GRM3: variants seen among roughly 807,000 people sequenced by gnomAD.
GRM3 encodes metabotropic glutamate receptor 3.
GRM3 carries 26 observed loss-of-function variants against 70.5 expected under a neutral mutation model. The observed-to-expected ratio is 0.37, with a 90% CI of 0.27 to 0.51. The LOEUF is 0.51. Among genes scored for constraint, GRM3 ranks in the 20% least tolerant of loss-of-function variants. The pLI is 0.93. For synonymous variants in GRM3, 443 were observed against 434.9 expected (o/e 1.02, Z -0.23); for missense variants, 859 against 1,123.8 (o/e 0.76, Z 3.37).
intron 1 of GRM3, among the ~76,000 whole-genome samples, chr7:86,675,841 T>C (rs1794292173): frequency 6.6e-6 from 1 of 152,074 alleles, no homozygotes; most frequent in African/African-American, 2.4e-5. Flanking sequence ...CTCTGAAATA[T>C]GTTCAAGAAA....
At chr7:86,751,007 G>A (rs1377870935) in intron 1 of GRM3, among the ~76,000 whole-genome samples, 1 of 152,018 alleles carries the variant, frequency 6.6e-6, no homozygotes, top group Non-Finnish European at 1.5e-5. Context: ...GTGGATATAT[G>A]AAATATATTC....
chr7:86,825,259 G>C (rs1343208927), intron 3 of GRM3, among the ~76,000 whole-genome samples: 1 of 152,112 alleles, frequency 6.6e-6, no homozygotes, highest in African/African-American at 2.4e-5. Context: ...GGGAGAAAAA[G>C]AGGAGAACAT....
chr7:86,825,489 CAACTT>C (rs1383252416), intron 3 of GRM3, among the ~76,000 whole-genome samples: 1 of 152,210 alleles, frequency 6.6e-6, no homozygotes, highest in Admixed American at 6.5e-5. Flanking sequence ...AGACACATGA[CAACTT>C]AACAATAGAC....
chr7:86,794,531 G>A (rs1442530496), intron 3 of GRM3, among the ~76,000 whole-genome samples: 1 of 152,154 alleles, frequency 6.6e-6, no homozygotes, highest in Non-Finnish European at 1.5e-5. Context: ...TAAAGATTAA[G>A]GATGCTGATG....
chr7:86,804,533 C>G (rs1407977689), intron 3 of GRM3, among the ~76,000 whole-genome samples: 1 of 152,170 alleles, frequency 6.6e-6, no homozygotes, highest in Non-Finnish European at 1.5e-5. Flanking sequence ...CCTCAGCCTC[C>G]TGAGTAGCTG....
chr7:86,774,342 T>C (rs1796828690), intron 2 of GRM3, among the ~76,000 whole-genome samples: 1 of 152,070 alleles, frequency 6.6e-6, no homozygotes, highest in Admixed American at 6.6e-5. Flanking sequence ...TTTGGGAATT[T>C]AAGAATAGTG....
In GRM3 at chr7:86,787,190, C is replaced by T. The variant is rs185391839; in HGVS notation, c.1324+74C>T. On this transcript the variant is annotated intron_variant, in intron 3 of 5. Transcript: ENST00000361669. ...AAAATAGGAATCAAATGCCTCTGTG[C>T]CCAATTCAGAAATAATTATTTCAAA... is the stretch of plus-strand genomic sequence containing the variant. The T allele has an allele frequency of 1.2e-5, 14 of 1,176,958 alleles. 1 individual carries two copies. In the Admixed American group the frequency reaches 2.4e-4, roughly 20 times the overall value. 72.9% of individuals were successfully genotyped at this position (1,176,958 alleles called of 1,614,324 possible).
intron 1 of GRM3, 138 bp from the exon 2 acceptor site, chr7:86,764,868 G>A (rs1039317021): frequency 2.6e-6 from 1 of 384,802 alleles, no homozygotes; most frequent in Non-Finnish European, 4.5e-6. Context: ...CTGTGAGAGA[G>A]TGCCTGGTGC....
In GRM3 at chr7:86,651,317, G is replaced by A. The variant is rs73704950; in HGVS notation, c.-141+6445G>A. Among the ~76,000 whole-genome samples, 528 of 152,204 alleles carry A rather than the reference G, an allele frequency of 3.5e-3. 6 individuals carry two copies. The highest frequency in any genetic ancestry group is 0.012 in the African/African-American group (501 of 41,518). ...AAAAAAGGAACAGATATCACAGATC[G>A]CCCCTCCATCTGGTGGAGGCTGTTT... On this transcript the variant is annotated intron_variant, in intron 1 of 5. Coordinates refer to ENST00000361669, the MANE Select transcript of GRM3 (RefSeq NM_000840.3).
intron 1 of GRM3, among the ~76,000 whole-genome samples, chr7:86,743,484 A>G (rs1026853734): frequency 1.3e-5 from 2 of 152,086 alleles, no homozygotes; most frequent in Non-Finnish European, 2.9e-5. Flanking sequence ...ATTTATCTAT[A>G]AGGGTCCAAG....
In GRM3 at chr7:86,765,054, CA is replaced by C; in HGVS notation, c.-91del. On this transcript the variant is annotated 5_prime_UTR_variant, in exon 2 of 6. Transcript: ENST00000361669. ...GTCTGTTCCTCCCTTATTTGAAGGA[CA>C]GGCCAAAGATCCAGTTTGGAAATGA... is the stretch of plus-strand genomic sequence containing the variant. The C allele has an allele frequency of 1.3e-6, 2 of 1,494,324 alleles. No homozygotes were observed. Among genetic ancestry groups the C allele is most frequent in the East Asian group, 4.6e-5 (2 of 43,934 alleles). 92.6% of individuals were successfully genotyped at this position (1,494,324 alleles called of 1,614,324 possible).
intron 2 of GRM3, among the ~76,000 whole-genome samples, chr7:86,772,729 AAAAGC>A (rs1288605757): frequency 3.3e-5 from 5 of 152,218 alleles, no homozygotes; most frequent in African/African-American, 4.8e-5. Flanking sequence ...TACCCTCAAG[AAAAGC>A]AGAGTGACAG....
At chr7:86,716,892 A>T (rs1795330023) in intron 1 of GRM3, among the ~76,000 whole-genome samples, 1 of 151,846 alleles carries the variant, frequency 6.6e-6, no homozygotes, top group African/African-American at 2.4e-5. Context: ...TCAGATTTAT[A>T]GATTAAAGAT....
intron 1 of GRM3, among the ~76,000 whole-genome samples, chr7:86,701,477 G>A (rs192924221): frequency 2.6e-5 from 4 of 151,976 alleles, no homozygotes; most frequent in Admixed American, 6.6e-5. Context: ...AGGCATTTAA[G>A]TTTGGTTTCA....
In GRM3 at chr7:86,816,138, A is replaced by G. The variant is rs185043305; in HGVS notation, c.1325-22701A>G. On this transcript the variant is annotated intron_variant, in intron 3 of 5. Transcript: ENST00000361669. ...TGGCCTCTGAATTAAGCATTGACAGAGAGGTAGCATTTGCAGAGTAGGCAC... is the reference window on the plus strand; with the variant it reads ...TGGCCTCTGAATTAAGCATTGACAGGGAGGTAGCATTTGCAGAGTAGGCAC... Among the ~76,000 whole-genome samples, 24 of 152,012 alleles carry G rather than the reference A, an allele frequency of 1.6e-4. 1 individual carries two copies. The highest frequency in any genetic ancestry group is 5.1e-4 in the African/African-American group (21 of 41,532).
intron 1 of GRM3, among the ~76,000 whole-genome samples, chr7:86,692,070 G>A (rs996228336): frequency 3.3e-5 from 5 of 152,052 alleles, no homozygotes; most frequent in African/African-American, 9.7e-5. Flanking sequence ...GTCTGGGCCC[G>A]AATCAAAAAT....
intron 3 of GRM3, among the ~76,000 whole-genome samples, chr7:86,815,995 A>G (rs1798007141): frequency 6.6e-6 from 1 of 151,860 alleles, no homozygotes. Context: ...TGACTCTATT[A>G]TTCGTATAAT....
intron 3 of GRM3, among the ~76,000 whole-genome samples, chr7:86,823,362 T>C (rs915852862): frequency 5.3e-5 from 8 of 152,108 alleles, no homozygotes; most frequent in Non-Finnish European, 1.2e-4. Flanking sequence ...CTCTGTTTTC[T>C]ACTACCCCTG....
chr7:86,698,375 G>C (rs1196577905), intron 1 of GRM3, among the ~76,000 whole-genome samples: 1 of 151,698 alleles, frequency 6.6e-6, no homozygotes, highest in Non-Finnish European at 1.5e-5. Context: ...TTTGTCTGGG[G>C]CTCAGTCCTT....
Sources: gnomAD v4.1 joint callset for allele counts (sites outside exome capture counted in the v4.1 genomes callset) on GRCh38, gnomAD v4.1.1 for gene constraint, MANE v1.5 for transcripts, NCBI Gene and HGNC (gene_info 2026-07-23, HGNC 2026-07-21) for gene names.